The following GRM5 variants were observed in gnomAD, a reference collection of about 807,000 sequenced individuals.
The protein encoded by GRM5 is metabotropic glutamate receptor 5.
Under a neutral mutation model 83.1 loss-of-function variants are expected in GRM5, and 19 were observed. The ratio of observed to expected loss-of-function variants is 0.23; its 90% CI spans 0.16 to 0.34. The LOEUF is 0.34. Ranked by LOEUF, GRM5 falls within the 10% of genes least tolerant of loss-of-function variation. GRM5 has a pLI of 1.00. For missense variants in GRM5, 1,160 were observed against 1,588.3 expected, an observed-to-expected ratio of 0.73 and a Z score of 4.58; for synonymous variants, 675 against 633.6, an observed-to-expected ratio of 1.07 and a Z score of -0.98.
At chr11:88,764,595 T>G (rs1035313902) in intron 3 of GRM5, among the ~76,000 whole-genome samples, 8 of 46,254 alleles carry the variant, frequency 1.7e-4, no homozygotes, top group Non-Finnish European at 8.0e-4. Flanking sequence ...ATAACCATTC[T>G]TAGACAATAC....
intron 3 of GRM5, among the ~76,000 whole-genome samples, chr11:88,667,958 T>C (rs61902899): frequency 0.15 from 23,027 of 151,454 alleles, 1,895 homozygotes; most frequent in East Asian, 0.21. Flanking sequence ...CTAATAAAAC[T>C]GATGAACATT....
At chr11:88,620,583 T>C (rs1438660820) in intron 4 of GRM5, among the ~76,000 whole-genome samples, 1 of 152,182 alleles carries the variant, frequency 6.6e-6, no homozygotes, top group Non-Finnish European at 1.5e-5. Flanking sequence ...TTTGGGAACA[T>C]AGATCAAGTT....
At chr11:88,680,195 A>G (rs1485842340) in intron 3 of GRM5, among the ~76,000 whole-genome samples, 1 of 152,060 alleles carries the variant, frequency 6.6e-6, no homozygotes, top group Non-Finnish European at 1.5e-5. Flanking sequence ...CTTACTCGAC[A>G]TTTACATTAG....
intron 4 of GRM5, among the ~76,000 whole-genome samples, chr11:88,652,841 C>T (rs1939667220): frequency 6.6e-6 from 1 of 152,090 alleles, no homozygotes; most frequent in Non-Finnish European, 1.5e-5. Flanking sequence ...GAGCAGAATG[C>T]AGTCACTGCA....
At position 88,507,760 on chromosome 11, in the gene GRM5, G is replaced by C. The variant is rs1009007878; in HGVS notation, c.*832C>G. On this transcript the variant is annotated 3_prime_UTR_variant, in exon 10 of 10. Coordinates refer to ENST00000305447, the MANE Select transcript of GRM5 (RefSeq NM_001143831.3). ...CCAGCTACAATGCACCCCAGTGAGG[G>C]AATTACAAAACAGTATTCCAGAAAA... The C allele has an allele frequency of 6.6e-6, 1 of 152,582 alleles. No homozygotes were observed. Among genetic ancestry groups the C allele is most frequent in the Non-Finnish European group, 1.5e-5 (1 of 68,038 alleles). The allele number at this position is 152,582 out of a possible 1,614,324, so 9.5% of individuals were successfully genotyped here. A position where few individuals can be genotyped will look rare whatever the true frequency, so the allele number is the denominator to read the frequency against.
chr11:88,928,474 A>G (rs1395729681), intron 2 of GRM5, among the ~76,000 whole-genome samples: 1,373 of 14,860 alleles, frequency 0.092, 26 homozygotes, highest in African/African-American at 0.13. Context: ...GTATATATAT[A>G]TATATATATG....
intron 3 of GRM5, among the ~76,000 whole-genome samples, chr11:88,804,557 G>A (rs1443421132): frequency 6.6e-6 from 1 of 151,720 alleles, no homozygotes; most frequent in Non-Finnish European, 1.5e-5. Flanking sequence ...GAGCGGGGAG[G>A]GATAGCTTTA....
intron 3 of GRM5, among the ~76,000 whole-genome samples, chr11:88,743,620 GA>G (rs1390044062): frequency 6.6e-6 from 1 of 152,114 alleles, no homozygotes; most frequent in Admixed American, 6.6e-5. Context: ...GCAGGATTCA[GA>G]GCCAGTGAGA....
At chr11:88,749,640 A>T (rs1942221930) in intron 3 of GRM5, among the ~76,000 whole-genome samples, 1 of 152,152 alleles carries the variant, frequency 6.6e-6, no homozygotes, top group Non-Finnish European at 1.5e-5. Flanking sequence ...ACACATAATC[A>T]TTAGATTCTC....
intron 3 of GRM5, among the ~76,000 whole-genome samples, chr11:88,793,617 T>C (rs1002602750): frequency 6.6e-6 from 1 of 152,220 alleles, no homozygotes; most frequent in Non-Finnish European, 1.5e-5. Context: ...AATTAAGATG[T>C]GTTTCTGGGA....
chr11:88,954,320 A>T (rs993403568), intron 2 of GRM5, among the ~76,000 whole-genome samples: 1 of 151,596 alleles, frequency 6.6e-6, no homozygotes, highest in African/African-American at 2.4e-5. Flanking sequence ...CCCTCCAAAA[A>T]TAATACAGAG....
At chr11:88,895,099 C>A (rs1023827325) in intron 2 of GRM5, among the ~76,000 whole-genome samples, 1 of 151,778 alleles carries the variant, frequency 6.6e-6, no homozygotes, top group African/African-American at 2.4e-5. Context: ...AAATTTGAAG[C>A]AGACTGATAA....
chr11:89,013,477 T>A lies in GRM5; in HGVS notation c.661+33735A>T, dbSNP rs191332028. Reference sequence around the variant, plus strand: ...ATCTCTGCATTGCACATTAGGAGCATCATATATTGGTCAGAATCCTGATGG... The same window carrying A: ...ATCTCTGCATTGCACATTAGGAGCAACATATATTGGTCAGAATCCTGATGG... On this transcript the variant is annotated intron_variant, in intron 2 of 9. Coordinates refer to ENST00000305447, the MANE Select transcript of GRM5 (RefSeq NM_001143831.3). Among the ~76,000 whole-genome samples, 606 of 152,260 alleles carry A rather than the reference T, an allele frequency of 4.0e-3. 3 individuals carry two copies. Among genetic ancestry groups the A allele is most frequent in the South Asian group, 0.011 (51 of 4,824 alleles).
intron 2 of GRM5, among the ~76,000 whole-genome samples, chr11:88,889,188 AT>A (rs1022685677): frequency 5.1e-4 from 78 of 152,264 alleles, no homozygotes; most frequent in African/African-American, 1.9e-3. Context: ...TAAGCCATGG[AT>A]TTTAATCTTG....
intron 2 of GRM5, among the ~76,000 whole-genome samples, chr11:88,911,223 G>A (rs1253684201): frequency 2.0e-5 from 3 of 152,124 alleles, no homozygotes; most frequent in Non-Finnish European, 2.9e-5. Flanking sequence ...CCAGGCAGAA[G>A]GATAACTAGT....
chr11:88,647,096 G>T (rs1259406748), intron 4 of GRM5, among the ~76,000 whole-genome samples: 1 of 151,974 alleles, frequency 6.6e-6, no homozygotes, highest in African/African-American at 2.4e-5. Context: ...TCCAATCACT[G>T]CCTGTGTCAT....
At chr11:89,002,031 A>G (rs554260202) in intron 2 of GRM5, among the ~76,000 whole-genome samples, 12 of 152,322 alleles carry the variant, frequency 7.9e-5, no homozygotes, top group African/African-American at 2.6e-4. Flanking sequence ...AGAGAGCTGG[A>G]AATATGGTTG....
chr11:88,980,395 C>A (rs1292958258), intron 2 of GRM5, among the ~76,000 whole-genome samples: 1 of 152,118 alleles, frequency 6.6e-6, no homozygotes, highest in Non-Finnish European at 1.5e-5. Context: ...CTATTGATGT[C>A]CTCAACCTAA....
At chr11:88,952,831 A>G (rs1590992308) in intron 2 of GRM5, among the ~76,000 whole-genome samples, 1 of 152,224 alleles carries the variant, frequency 6.6e-6, no homozygotes, top group Non-Finnish European at 1.5e-5. Context: ...AAAATAAAAC[A>G]GGAACAGATG....
Sources: allele counts gnomAD v4.1 joint callset (sites outside exome capture counted in the v4.1 genomes callset), GRCh38; gene constraint gnomAD v4.1.1; transcripts MANE v1.5; gene names NCBI Gene and HGNC (gene_info 2026-07-23, HGNC 2026-07-21).